Variants in PTPRN2 observed in about 807,000 individuals in gnomAD.
PTPRN2 encodes the protein receptor-type tyrosine-protein phosphatase N2.
A neutral mutation model predicts 118.8 loss-of-function variants in PTPRN2; 74 were observed. The observed-to-expected ratio is 0.62, with a 90% confidence interval of 0.52 to 0.76. The LOEUF is 0.76. Ranked by LOEUF, PTPRN2 falls within the 30% of genes least tolerant of loss-of-function variation. PTPRN2 has a pLI of 0.00. For synonymous variants in PTPRN2, 641 were observed against 608.0 expected, an observed-to-expected ratio of 1.05 and a Z score of -0.80; for missense variants, 1,481 against 1,394.4, an observed-to-expected ratio of 1.06 and a Z score of -0.99.
chr7:158,059,173 C>T (rs538131202), intron 11 of PTPRN2, among the ~76,000 whole-genome samples: 66 of 115,508 alleles, frequency 5.7e-4, no homozygotes, highest in African/African-American at 2.8e-3. Flanking sequence ...CATCTGCACA[C>T]GGTGACACAT....
intron 12 of PTPRN2, among the ~76,000 whole-genome samples, chr7:157,828,387 C>T (rs570996946): frequency 1.6e-4 from 25 of 152,338 alleles, no homozygotes; most frequent in African/African-American, 6.0e-4. Flanking sequence ...CGATCGGATA[C>T]AAGACTTGCC....
At position 157,881,722 on chromosome 7, in the gene PTPRN2, C is replaced by A. The variant is rs760651059; in HGVS notation, c.1788+16951G>T. Among the ~76,000 whole-genome samples, 4 of 149,684 alleles carry A rather than the reference C, an allele frequency of 2.7e-5. No individual in the cohort carries two copies. Among genetic ancestry groups the A allele is most frequent in the Non-Finnish European group, 5.9e-5 (4 of 67,770 alleles). On this transcript the variant is annotated intron_variant, in intron 12 of 22. Coordinates refer to ENST00000389418, the MANE Select transcript of PTPRN2 (RefSeq NM_002847.5). This position sits in a 1 kb window ranked among gnomAD's most constrained non-coding sequence, Gnocchi z 4.7. ...AAGAAAGTTACTTCTTAAGAATGTT[C>A]TTTTTGCTTTATGATCTCATTAAAA...
chr7:157,843,272 T>C (rs1365855161), intron 12 of PTPRN2, among the ~76,000 whole-genome samples: 1 of 152,172 alleles, frequency 6.6e-6, no homozygotes, highest in African/African-American at 2.4e-5. Context: ...TAATTGGTAA[T>C]CAGAAATCAT....
chr7:157,912,724 C>G (rs1798169931), intron 11 of PTPRN2, among the ~76,000 whole-genome samples: 1 of 152,030 alleles, frequency 6.6e-6, no homozygotes, highest in East Asian at 1.9e-4. Context: ...ATTGAATACC[C>G]CATTTCCCCA....
At chr7:158,031,624 A>G (rs918592012) in intron 11 of PTPRN2, among the ~76,000 whole-genome samples, 1 of 152,220 alleles carries the variant, frequency 6.6e-6, no homozygotes, top group African/African-American at 2.4e-5. Context: ...AAAAAGAAAA[A>G]GATAAATGGA....
intron 11 of PTPRN2, among the ~76,000 whole-genome samples, chr7:158,037,089 C>T (rs1309356052): frequency 5.3e-5 from 8 of 152,082 alleles, no homozygotes; most frequent in Admixed American, 5.2e-4. Context: ...CCAGCAACAA[C>T]CAATTATATA....
intron 12 of PTPRN2, among the ~76,000 whole-genome samples, chr7:157,842,409 ACT>A (rs577748631): frequency 1.8e-5 from 2 of 111,958 alleles, no homozygotes; most frequent in Admixed American, 2.2e-4. Context: ...GATTCAGGAG[ACT>A]TTTTTTTTTT....
chr7:158,145,047 G>A (rs932433221), intron 6 of PTPRN2, among the ~76,000 whole-genome samples: 2 of 146,998 alleles, frequency 1.4e-5, no homozygotes, highest in East Asian at 1.9e-4. Context: ...ACCACGGCTC[G>A]GCAAGGTTTC....
intron 11 of PTPRN2, among the ~76,000 whole-genome samples, chr7:157,909,078 G>A (rs941974725): frequency 2.0e-5 from 3 of 152,046 alleles, no homozygotes; most frequent in Admixed American, 6.5e-5. Flanking sequence ...ACAAAATTAT[G>A]TATGTCATTA....
chr7:157,692,389 C>T (rs534344987), intron 12 of PTPRN2, among the ~76,000 whole-genome samples: 1 of 152,344 alleles, frequency 6.6e-6, no homozygotes, highest in South Asian at 2.1e-4. Flanking sequence ...GTGCAGAGGG[C>T]CTTGCCTGGC....
chr7:157,792,600 T>A (rs534525539), intron 12 of PTPRN2, among the ~76,000 whole-genome samples: 3 of 152,178 alleles, frequency 2.0e-5, no homozygotes, highest in Non-Finnish European at 4.4e-5. Context: ...AGCAACTCAG[T>A]AGGACCTTGG....
At chr7:157,910,732 G>C (rs922375140) in intron 11 of PTPRN2, among the ~76,000 whole-genome samples, 1 of 152,240 alleles carries the variant, frequency 6.6e-6, no homozygotes, top group Non-Finnish European at 1.5e-5. Context: ...GTGCGAGCGC[G>C]CGTGCGCCCC....
chr7:158,253,900 G>A (rs59725359), intron 3 of PTPRN2, among the ~76,000 whole-genome samples: 4,704 of 109,058 alleles, frequency 0.043, 1,004 homozygotes, highest in Admixed American at 0.1. Flanking sequence ...CACTGCCCAC[G>A]GCACGACCCG....
At chr7:158,282,115 CTG>C (rs919446561) in intron 3 of PTPRN2, among the ~76,000 whole-genome samples, 1 of 151,728 alleles carries the variant, frequency 6.6e-6, no homozygotes, top group Non-Finnish European at 1.5e-5. Context: ...TCAAGTCAAA[CTG>C]AGCCTGTGTT....
intron 12 of PTPRN2, among the ~76,000 whole-genome samples, chr7:157,879,836 TAA>T (rs11459962): frequency 3.6e-4 from 43 of 119,694 alleles, no homozygotes; most frequent in Admixed American, 5.3e-4. Context: ...ACGTCTTTGT[TAA>T]AAAAAAAAAA....
intron 2 of PTPRN2, among the ~76,000 whole-genome samples, chr7:158,396,454 CA>C (rs889764600): frequency 6.7e-6 from 1 of 149,584 alleles, no homozygotes; most frequent in African/African-American, 2.5e-5. Flanking sequence ...CACGTGTGTG[CA>C]CGCGTGTACA....
chr7:158,149,059 ATGC>A (rs1820574570), intron 6 of PTPRN2, among the ~76,000 whole-genome samples: 1 of 124,332 alleles, frequency 8.0e-6, no homozygotes, highest in Non-Finnish European at 1.7e-5. Flanking sequence ...ACCCCATCTC[ATGC>A]CACGTGTCAT....
At chr7:158,391,218 T>C (rs1448317192) in intron 2 of PTPRN2, among the ~76,000 whole-genome samples, 3 of 152,222 alleles carry the variant, frequency 2.0e-5, no homozygotes, top group African/African-American at 7.2e-5. Flanking sequence ...GACATTGACT[T>C]CCATTCCCTG....
chr7:157,970,811 C>T (rs1802280728), intron 11 of PTPRN2, among the ~76,000 whole-genome samples: 1 of 152,124 alleles, frequency 6.6e-6, no homozygotes, highest in Non-Finnish European at 1.5e-5. Flanking sequence ...GTGTTTCCTA[C>T]CCTAATTCTA....
Sources: allele counts gnomAD v4.1 joint callset (sites outside exome capture counted in the v4.1 genomes callset), GRCh38; gene constraint gnomAD v4.1.1; non-coding constraint Gnocchi (gnomAD v3.1); transcripts MANE v1.5; gene names NCBI Gene and HGNC (gene_info 2026-07-23, HGNC 2026-07-21).